DACH2: variants seen among roughly 807,000 people sequenced by gnomAD.
DACH2 encodes the protein dachshund family transcription factor 2, also known as dachshund homolog 2.
A neutral mutation model predicts 35.8 loss-of-function variants in DACH2; 17 were observed. The observed-to-expected ratio is 0.48, with a 90% CI of 0.33 to 0.71. The LOEUF is 0.71. Among genes scored for constraint, DACH2 ranks in the 30% least tolerant of loss-of-function variants. The pLI, the probability that DACH2 is intolerant of heterozygous loss-of-function variation, is 0.02. For missense variants in DACH2, 469 were observed against 472.7 expected, an observed-to-expected ratio of 0.99 and a Z score of 0.07; for synonymous variants, 195 against 177.3, an observed-to-expected ratio of 1.10 and a Z score of -0.79.
At chrX:86,314,447 G>T (rs758026272) in intron 1 of DACH2, among the ~76,000 whole-genome samples, 17 of 110,644 alleles carry the variant, frequency 1.5e-4, no homozygotes, top group Non-Finnish European at 2.8e-4. Flanking sequence ...GGGCCCAGGG[G>T]GTCGAGGCTG....
intron 1 of DACH2, among the ~76,000 whole-genome samples, chrX:86,291,384 A>G (rs192790759): frequency 7.0e-5 from 6 of 85,917 alleles, no homozygotes; most frequent in Admixed American, 4.2e-4. Flanking sequence ...GGACAATTTG[A>G]TTTCCTCTTT....
At chrX:86,291,615 T>C (rs1252132466) in intron 1 of DACH2, among the ~76,000 whole-genome samples, 1 of 109,046 alleles carries the variant, frequency 9.2e-6, no homozygotes, top group African/African-American at 3.4e-5. Flanking sequence ...ACCTAATTTA[T>C]TGAGAGTGTT....
intron 1 of DACH2, among the ~76,000 whole-genome samples, chrX:86,242,950 G>A (rs1000697839): frequency 5.4e-5 from 6 of 111,271 alleles, no homozygotes. Flanking sequence ...TTCCTGTATA[G>A]CCTATGAAAC....
intron 2 of DACH2, among the ~76,000 whole-genome samples, chrX:86,510,988 C>G (rs1245755241): frequency 8.9e-6 from 1 of 111,937 alleles, no homozygotes; most frequent in African/African-American, 3.2e-5. Context: ...TTAGTAGAAG[C>G]AGGTGCTACA....
intron 6 of DACH2, among the ~76,000 whole-genome samples, chrX:86,715,465 A>T (rs1483833165): frequency 1.8e-5 from 2 of 111,056 alleles, no homozygotes; most frequent in East Asian, 2.8e-4. Flanking sequence ...TATCATATGA[A>T]CTAGGGTTTT....
intron 3 of DACH2, among the ~76,000 whole-genome samples, chrX:86,547,053 A>C (rs750562225): frequency 9.1e-6 from 1 of 110,474 alleles, no homozygotes; most frequent in African/African-American, 3.3e-5. Context: ...AGTGTAGATA[A>C]ATTCAGGCCA....
chrX:86,765,897 T>G (rs770907550), intron 7 of DACH2, among the ~76,000 whole-genome samples: 2 of 109,166 alleles, frequency 1.8e-5, no homozygotes, highest in African/African-American at 6.7e-5. Context: ...CATGGAATAT[T>G]TTTCTACTTA....
chrX:86,682,068 G>T (rs2040887991), intron 4 of DACH2, among the ~76,000 whole-genome samples: 1 of 111,489 alleles, frequency 9.0e-6, no homozygotes, highest in Admixed American at 9.6e-5. Flanking sequence ...GAATAAGAAA[G>T]TAGCTTTCCT....
At chrX:86,688,307 C>T (rs974855202) in intron 4 of DACH2, among the ~76,000 whole-genome samples, 2 of 111,063 alleles carry the variant, frequency 1.8e-5, no homozygotes, top group African/African-American at 6.6e-5. Flanking sequence ...TTATTTCAGT[C>T]GTTATGTCAA....
intron 2 of DACH2, among the ~76,000 whole-genome samples, chrX:86,395,965 C>A (rs1207196719): frequency 9.0e-6 from 1 of 111,355 alleles, no homozygotes; most frequent in Non-Finnish European, 1.9e-5. Flanking sequence ...ATCACCACAC[C>A]GACTTCCACA....
At chrX:86,487,736 T>C (rs752831853) in intron 2 of DACH2, among the ~76,000 whole-genome samples, 46 of 112,327 alleles carry the variant, frequency 4.1e-4, no homozygotes, top group Non-Finnish European at 7.7e-4. Context: ...ATAAATGGTA[T>C]TTTAATTGCA....
At chrX:86,291,956 G>T (rs1331112410) in intron 1 of DACH2, among the ~76,000 whole-genome samples, 3 of 68,957 alleles carry the variant, frequency 4.4e-5, no homozygotes, top group African/African-American at 2.1e-4. Context: ...AGTTAGGGAG[G>T]ATTCCCTCTT....
chrX:86,206,716 G>C (rs754140341), intron 1 of DACH2, among the ~76,000 whole-genome samples: 1 of 111,422 alleles, frequency 9.0e-6, no homozygotes, highest in Admixed American at 9.5e-5. Flanking sequence ...TAGCCTGTTT[G>C]CTTCGTTGGG....
chrX:86,479,571 G>A (rs1357438718), intron 2 of DACH2, among the ~76,000 whole-genome samples: 5 of 111,804 alleles, frequency 4.5e-5, no homozygotes, highest in Non-Finnish European at 7.5e-5. Flanking sequence ...CTTTCCTTAT[G>A]TTTTTCGCTA....
chrX:86,372,202 C>T (rs1293199606), intron 1 of DACH2, among the ~76,000 whole-genome samples: 1 of 110,975 alleles, frequency 9.0e-6, no homozygotes, highest in African/African-American at 3.3e-5. Flanking sequence ...GCTTTAGGTG[C>T]TATTCTATAT....
At chrX:86,325,355 TGA>T (rs746954489) in intron 1 of DACH2, among the ~76,000 whole-genome samples, 8 of 108,432 alleles carry the variant, frequency 7.4e-5, no homozygotes, top group African/African-American at 1.0e-4. Context: ...AGAGATGGAA[TGA>T]GAGAGAGAGA....
intron 2 of DACH2, among the ~76,000 whole-genome samples, chrX:86,444,613 G>C (rs765083110): frequency 2.7e-5 from 3 of 111,017 alleles, no homozygotes; most frequent in Non-Finnish European, 5.7e-5. Context: ...ATATTTCTGT[G>C]GTATCAGTTG....
chrX:86,392,143 T>C (rs1181205506), intron 2 of DACH2, among the ~76,000 whole-genome samples: 1 of 111,468 alleles, frequency 9.0e-6, no homozygotes, highest in East Asian at 2.8e-4. Context: ...TGTTTTCCTA[T>C]CTACTTCCAT....
chrX:86,302,218 C>T (rs1386594440), intron 1 of DACH2, among the ~76,000 whole-genome samples: 1 of 111,173 alleles, frequency 9.0e-6, no homozygotes, highest in Non-Finnish European at 1.9e-5. Context: ...AGTAGATCTC[C>T]TTAGTATCTA....
Sources: allele counts gnomAD v4.1 joint callset (sites outside exome capture counted in the v4.1 genomes callset), GRCh38; gene constraint gnomAD v4.1.1; transcripts MANE v1.5; gene names NCBI Gene and HGNC (gene_info 2026-07-23, HGNC 2026-07-21).